Variants in PCDH15 observed in about 807,000 individuals in gnomAD.
PCDH15 encodes protocadherin-15.
In PCDH15, 129 loss-of-function variants were observed where a neutral mutation model predicts 178.5. That is an observed-to-expected ratio of 0.72 (90% CI 0.63 to 0.84). The LOEUF (loss-of-function observed/expected upper bound fraction) is 0.84. Among genes scored for constraint, PCDH15 ranks in the 40% least tolerant of loss-of-function variants. The probability of loss-of-function intolerance (pLI) is 0.00; values close to 1 mark genes in which losing one functional copy is unlikely to be tolerated. For missense variants in PCDH15, 2,230 were observed against 2,099.9 expected, an observed-to-expected ratio of 1.06 and a Z score of -1.21; for synonymous variants, 800 against 732.0, an observed-to-expected ratio of 1.09 and a Z score of -1.50.
intron 2 of PCDH15, among the ~76,000 whole-genome samples, chr10:54,604,478 G>A (rs1245373169): frequency 6.6e-6 from 1 of 151,980 alleles, no homozygotes; most frequent in South Asian, 2.1e-4. Flanking sequence ...ATTTACAATA[G>A]TTATATCTTC....
At chr10:54,750,723 T>G (rs10740593) in intron 1 of PCDH15, among the ~76,000 whole-genome samples, 74,596 of 151,476 alleles carry the variant, frequency 0.49, 18,933 homozygotes, top group Middle Eastern at 0.67. Context: ...AAAATTGTTT[T>G]CTAAAATAAT....
At position 54,623,117 on chromosome 10, in the gene PCDH15, T is replaced by G. The variant is rs140350437; in HGVS notation, c.91+41055A>C. ...TTACTTTCCCTGCCTGACTTTCCATTTGTCTATTCAAGGTAGACTAGTTTC... is the reference window on the plus strand; with the variant it reads ...TTACTTTCCCTGCCTGACTTTCCATGTGTCTATTCAAGGTAGACTAGTTTC... On this transcript the variant is annotated intron_variant, in intron 2 of 37. Transcript: ENST00000644397. 5.5e-3 allele frequency among the ~76,000 whole-genome samples: 837 copies of G among 152,198 alleles called. 4 individuals are homozygous for G. The highest frequency in any genetic ancestry group is 8.0e-3 in the Non-Finnish European group (545 of 68,008).
At chr10:53,810,436 A>C in intron 37 of PCDH15, 120 bp downstream of exon 37, 1 of 822,676 alleles carries the variant, frequency 1.2e-6, no homozygotes, top group East Asian at 2.6e-5. Context: ...TTCTATGGGA[A>C]ATACGTACTA....
chr10:54,901,355 T>C (rs1564616270), intron 2 of PCDH15, among the ~76,000 whole-genome samples: 1 of 152,204 alleles, frequency 6.6e-6, no homozygotes, highest in Admixed American at 6.5e-5. Flanking sequence ...AACTGCTTAA[T>C]TGGTACAATT....
intron 1 of PCDH15, among the ~76,000 whole-genome samples, chr10:55,208,877 T>A (rs992203654): frequency 1.3e-5 from 2 of 152,064 alleles, no homozygotes; most frequent in Non-Finnish European, 2.9e-5. Context: ...GGAAACAACA[T>A]ACATGCTCCC....
At chr10:54,659,726 T>A in intron 2 of PCDH15, among the ~76,000 whole-genome samples, 1 of 147,784 alleles carries the variant, frequency 6.8e-6, no homozygotes, top group African/African-American at 2.5e-5. Context: ...TACACTTCAG[T>A]CTGGGTGACA....
At chr10:55,578,937 G>A (rs1017206859) in intron 2 of PCDH15, among the ~76,000 whole-genome samples, 1 of 152,118 alleles carries the variant, frequency 6.6e-6, no homozygotes, top group African/African-American at 2.4e-5. Context: ...TAGCATGTGG[G>A]ATTTATGGGA....
At chr10:54,168,142 A>G (rs1357759513) in intron 13 of PCDH15, among the ~76,000 whole-genome samples, 1 of 151,828 alleles carries the variant, frequency 6.6e-6, no homozygotes, top group Non-Finnish European at 1.5e-5. Context: ...CTTGACCCCA[A>G]TACAAACTCG....
chr10:55,123,408 A>T (rs1837821225), intron 2 of PCDH15, among the ~76,000 whole-genome samples: 1 of 151,376 alleles, frequency 6.6e-6, no homozygotes, highest in African/African-American at 2.5e-5. Flanking sequence ...TGATAAAAAT[A>T]GTTTTAATTA....
intron 2 of PCDH15, among the ~76,000 whole-genome samples, chr10:55,533,350 C>T (rs1841498615): frequency 6.6e-6 from 1 of 152,020 alleles, no homozygotes; most frequent in Admixed American, 6.6e-5. Context: ...TCACCAAGGT[C>T]TTACTAGAAC....
intron 32 of PCDH15, chr10:53,822,237 G>A (rs2076321232): frequency 6.2e-7 from 1 of 1,613,912 alleles, no homozygotes; most frequent in Non-Finnish European, 8.5e-7. Context: ...AGCTGAAGGA[G>A]GTGGAGGGCA....
chr10:53,989,949 T>C (rs1327540542), intron 21 of PCDH15, among the ~76,000 whole-genome samples: 1 of 152,196 alleles, frequency 6.6e-6, no homozygotes, highest in East Asian at 1.9e-4. Context: ...TAGTTTTGAC[T>C]ATGGCACACA....
chr10:54,669,131 A>G (rs1440255442), intron 1 of PCDH15, among the ~76,000 whole-genome samples: 1 of 152,138 alleles, frequency 6.6e-6, no homozygotes, highest in Non-Finnish European at 1.5e-5. Context: ...ATGACTAGAG[A>G]GAAACCTGTC....
Position 53,866,640 on chromosome 10 carries a change from A to G in PCDH15, c.3717+2T>C. ...CCCTTTCCTGAAGTTTTATCTACTT[A>G]CGAGTACATCGGCTTTGCCGCTCAG... On this transcript the variant is annotated splice_donor_variant, in intron 27 of 37. Transcript: ENST00000644397. LOFTEE classifies it high-confidence loss of function. The G allele has an allele frequency of 6.2e-7, 1 of 1,612,508 alleles. No homozygotes were observed.
intron 2 of PCDH15, among the ~76,000 whole-genome samples, chr10:55,117,980 C>T (rs1837668866): frequency 6.6e-6 from 1 of 152,034 alleles, no homozygotes; most frequent in Admixed American, 6.5e-5. Flanking sequence ...CAAACGGAGG[C>T]CTTGTGGAGT....
At chr10:55,135,605 C>CA (rs922742823) in intron 2 of PCDH15, among the ~76,000 whole-genome samples, 2 of 89,684 alleles carry the variant, frequency 2.2e-5, no homozygotes, top group African/African-American at 9.3e-5. Flanking sequence ...TTTTTTGAGA[C>CA]AGAGTCTTGC....
chr10:54,265,679 T>C (rs1463092848), intron 8 of PCDH15, among the ~76,000 whole-genome samples: 1 of 152,002 alleles, frequency 6.6e-6, no homozygotes, highest in Non-Finnish European at 1.5e-5. Flanking sequence ...ACAAAAAATG[T>C]TATTGCTTAA....
chr10:55,461,411 C>A (rs958757643), intron 2 of PCDH15, among the ~76,000 whole-genome samples: 3 of 152,136 alleles, frequency 2.0e-5, no homozygotes, highest in African/African-American at 7.2e-5. Context: ...TCCTCTACCC[C>A]CCTGTAATTC....
At chr10:55,020,271 A>G (rs1840289883) in intron 2 of PCDH15, among the ~76,000 whole-genome samples, 1 of 151,868 alleles carries the variant, frequency 6.6e-6, no homozygotes, top group Non-Finnish European at 1.5e-5. Flanking sequence ...AGAATAAATA[A>G]TCCCTTTCTA....
Sources: allele counts gnomAD v4.1 joint callset (sites outside exome capture counted in the v4.1 genomes callset), GRCh38; gene constraint gnomAD v4.1.1; transcripts MANE v1.5; gene names NCBI Gene and HGNC (gene_info 2026-07-23, HGNC 2026-07-21).